The following RIOK2 variants were observed in gnomAD, a reference collection of about 807,000 sequenced individuals.
RIOK2 encodes the protein serine/threonine-protein kinase RIO2.
RIOK2 carries 46 observed loss-of-function variants against 62.4 expected under a neutral mutation model. The observed-to-expected ratio is 0.74, with a 90% confidence interval of 0.58 to 0.94. The LOEUF is 0.94. Ranked by LOEUF, RIOK2 falls within the 40% of genes least tolerant of loss-of-function variation. RIOK2 has a pLI of 0.00. For missense variants in RIOK2, 574 were observed against 658.0 expected (o/e 0.87, Z 1.40); for synonymous variants, 197 against 216.0 (o/e 0.91, Z 0.77).
chr5:97,182,459 C>G (rs1245385925), intron 1 of RIOK2, among the ~76,000 whole-genome samples: 1 of 152,170 alleles, frequency 6.6e-6, no homozygotes, highest in Non-Finnish European at 1.5e-5. Flanking sequence ...TCACACAGCT[C>G]CTATTATTCC....
chr5:97,173,847 C>T (rs1206367066), intron 4 of RIOK2, among the ~76,000 whole-genome samples: 1 of 152,202 alleles, frequency 6.6e-6, no homozygotes, highest in Non-Finnish European at 1.5e-5. Context: ...TGTTAAGACT[C>T]TCCATACATC....
chr5:97,171,477 A>G, intron 5 of RIOK2, 80 bp from the exon 6 acceptor site: 1 of 941,584 alleles, frequency 1.1e-6, no homozygotes, highest in South Asian at 2.8e-5. Flanking sequence ...ATGTGAACAT[A>G]TATATTATTT....
chr5:97,166,650 A>C, intron 8 of RIOK2: 1 of 599,808 alleles, frequency 1.7e-6, no homozygotes, highest in Non-Finnish European at 2.1e-6. Context: ...ACAAAAAAAA[A>C]TTATTAAAAG....
chr5:97,181,752 C>T (rs529793826), intron 1 of RIOK2, among the ~76,000 whole-genome samples: 51 of 152,276 alleles, frequency 3.3e-4, no homozygotes, highest in South Asian at 1.2e-3. Context: ...CTGCCTCCCC[C>T]GTCCTCTAAC....
chr5:97,169,255 C>A (rs1050045072), intron 6 of RIOK2, among the ~76,000 whole-genome samples: 1 of 152,148 alleles, frequency 6.6e-6, no homozygotes, highest in Non-Finnish European at 1.5e-5. Flanking sequence ...CTCACTAGAA[C>A]CCCTAGCCAA....
At position 97,167,452 on chromosome 5, in the gene RIOK2, G is replaced by T; in HGVS notation, c.1397+15C>A. The T allele has an allele frequency of 2.5e-6, 4 of 1,604,806 alleles. No homozygotes were observed. The highest frequency in any genetic ancestry group is 3.4e-6 in the Non-Finnish European group (4 of 1,175,746). On this transcript the variant is annotated intron_variant, in intron 8 of 9. Transcript: ENST00000283109. ...TCAAGACTAAAGTTAAAAAGCAATC[G>T]ACAGAAGTCTATACCTGAAAGGCCT...
chr5:97,176,205 T>C (rs1463134864), intron 4 of RIOK2: 2 of 152,238 alleles, frequency 1.3e-5, no homozygotes, highest in Non-Finnish European at 2.9e-5. Context: ...AGTGTGTTCA[T>C]CTCCTGAGTA....
intron 2 of RIOK2, among the ~76,000 whole-genome samples, chr5:97,178,372 C>G (rs1208857762): frequency 1.3e-5 from 2 of 151,430 alleles, no homozygotes; most frequent in South Asian, 2.1e-4. Flanking sequence ...TACCTACATG[C>G]TCTTCTGCAG....
intron 6 of RIOK2, among the ~76,000 whole-genome samples, chr5:97,170,465 C>T (rs920201455): frequency 2.0e-5 from 3 of 152,178 alleles, no homozygotes; most frequent in East Asian, 1.9e-4. Context: ...TTCAGATCAT[C>T]GAGATTACTG....
chr5:97,181,767 T>G (rs1749419529), intron 1 of RIOK2, among the ~76,000 whole-genome samples: 1 of 152,194 alleles, frequency 6.6e-6, no homozygotes, highest in African/African-American at 2.4e-5. Flanking sequence ...TCTAACACTC[T>G]TACTTTTGAC....
At chr5:97,179,332 T>C (rs1239404101) in intron 1 of RIOK2, 139 bp from the exon 2 acceptor site, 4 of 712,052 alleles carry the variant, frequency 5.6e-6, no homozygotes, top group Non-Finnish European at 9.1e-6. Context: ...CACTTCCGTC[T>C]CTTGAAAATA....
At chr5:97,166,383 A>G (rs1248941708) in intron 8 of RIOK2, 1 of 437,710 alleles carries the variant, frequency 2.3e-6, no homozygotes, top group Non-Finnish European at 4.6e-6. Context: ...TATATGAAAA[A>G]GGAACAAAAT....
At position 97,171,186 on chromosome 5, in the gene RIOK2, A is replaced by C. The variant is rs760101251; in HGVS notation, c.779+20T>G. 2.2e-6 allele frequency: 3 copies of C among 1,360,342 alleles called. No individual in the cohort carries two copies. The highest frequency in any genetic ancestry group is 2.6e-4 in the Middle Eastern group (1 of 3,786). The allele number at this position is 1,360,342 out of a possible 1,614,324, so 84.3% of individuals were successfully genotyped here. A position where few individuals can be genotyped will look rare whatever the true frequency, so the allele number is the denominator to read the frequency against. Reference sequence around the variant, plus strand: ...AAAAAAATAAAATAAAATAAAAATAAAAAAATAGCAAGTACGTACCACTCA... The same window carrying C: ...AAAAAAATAAAATAAAATAAAAATACAAAAATAGCAAGTACGTACCACTCA... On this transcript the variant is annotated intron_variant, in intron 6 of 9. Transcript: ENST00000283109.
chr5:97,180,678 C>G (rs1394386145), intron 1 of RIOK2, among the ~76,000 whole-genome samples: 2 of 152,048 alleles, frequency 1.3e-5, no homozygotes, highest in Non-Finnish European at 2.9e-5. Context: ...ATGGCAAAAT[C>G]TGAGGGGGTA....
chr5:97,167,648 GC>G lies in RIOK2; in HGVS notation c.1215del (p.Gln406ArgfsTer8). 1 of 1,614,140 alleles carries G rather than the reference GC, an allele frequency of 6.2e-7. No individual in the cohort carries two copies. Among genetic ancestry groups the G allele is most frequent in the Non-Finnish European group, 8.5e-7 (1 of 1,179,994 alleles). On this transcript the variant is annotated frameshift_variant, in exon 8 of 10. Transcript: ENST00000283109. LOFTEE classifies it high-confidence loss of function. ...GTTACAGAGTTGTTTTCAACAACCT[GC>G]CCTTTTATTTCTTCTAAAGCTTGAT... ...EFNQALEEIKGQVVENNSVTE... is the reference protein window; with the variant it reads ...EFNQALEEIKXQVVENNSVTE...
chr5:97,180,610 A>T (rs1749380126), intron 1 of RIOK2, among the ~76,000 whole-genome samples: 1 of 152,178 alleles, frequency 6.6e-6, no homozygotes, highest in South Asian at 2.1e-4. Flanking sequence ...TGGGAGACAC[A>T]CGAACAGGGT....
At chr5:97,178,401 GCTCTTCTA>G (rs1161646062) in intron 2 of RIOK2, among the ~76,000 whole-genome samples, 10 of 150,932 alleles carry the variant, frequency 6.6e-5, no homozygotes, top group Non-Finnish European at 1.3e-4. Context: ...TGCTCTTCAT[GCTCTTCTA>G]CAGTACCTAC....
intron 1 of RIOK2, among the ~76,000 whole-genome samples, chr5:97,180,080 C>T (rs1262378940): frequency 4.6e-5 from 3 of 64,714 alleles, no homozygotes; most frequent in Non-Finnish European, 5.7e-5. Context: ...GTAAAAAGCA[C>T]ATATATATAT....
intron 4 of RIOK2, among the ~76,000 whole-genome samples, chr5:97,174,337 G>T (rs316196): frequency 0.34 from 52,054 of 152,150 alleles, 10,389 homozygotes; most frequent in African/African-American, 0.55. Context: ...GGAGAATCGC[G>T]TGAACCCGGG....
Sources: gnomAD v4.1 joint callset for allele counts (sites outside exome capture counted in the v4.1 genomes callset) on GRCh38, gnomAD v4.1.1 for gene constraint, MANE v1.5 for transcripts, NCBI Gene and HGNC (gene_info 2026-07-23, HGNC 2026-07-21) for gene names.